ADGRL2: variants seen among roughly 807,000 people sequenced by gnomAD.
The protein encoded by ADGRL2 is adhesion G protein-coupled receptor L2, also known as calcium-independent alpha-latrotoxin receptor 2.
In ADGRL2, 44 loss-of-function variants were observed where a neutral mutation model predicts 157.4. The ratio of observed to expected loss-of-function variants is 0.28; its 90% CI spans 0.22 to 0.36. The LOEUF is 0.36. Among genes scored for constraint, ADGRL2 ranks in the 10% least tolerant of loss-of-function variants. The pLI is 1.00. For missense variants in ADGRL2, 1,510 were observed against 1,768.9 expected (o/e 0.85, Z 2.63); for synonymous variants, 585 against 624.7 (o/e 0.94, Z 0.95).
At chr1:81,697,223 G>GC (rs778796666), upstream of ADGRL2, among the ~76,000 whole-genome samples, 35 of 151,948 alleles carry the variant, frequency 2.3e-4, no homozygotes, top group Non-Finnish European at 3.8e-4. Context: ...TTTGAAAGTT[G>GC]CATAAGCTTC....
chr1:81,361,958 C>T (rs992159109), intron 1 of ADGRL2, among the ~76,000 whole-genome samples: 3 of 151,694 alleles, frequency 2.0e-5, no homozygotes, highest in Non-Finnish European at 2.9e-5. Context: ...GAAACAAATT[C>T]CTGGTTAGTC....
intron 19 of ADGRL2, chr1:81,984,309 T>A (rs1662511421): frequency 4.4e-6 from 1 of 229,100 alleles, no homozygotes; most frequent in Admixed American, 5.6e-5. Context: ...ATTTAATAAC[T>A]AACATTTATA....
chr1:81,762,433 A>C (rs995100646), intron 2 of ADGRL2, among the ~76,000 whole-genome samples: 1 of 152,182 alleles, frequency 6.6e-6, no homozygotes, highest in Non-Finnish European at 1.5e-5. Flanking sequence ...TAAACAGGAA[A>C]TATTTAGTTT....
rs1646308106 is a variant in ADGRL2, at chr1:81,952,969, T to C, written c.1795-18T>C. 6.2e-7 allele frequency: 1 copy of C among 1,606,274 alleles called. No homozygotes were observed. Among genetic ancestry groups the C allele is most frequent in the Non-Finnish European group, 8.5e-7 (1 of 1,174,330 alleles). ...ATAAAAATCTAACCTCTGATTTTTC[T>C]TTTCTTTTACTTAAAAGCTCCAAAA... On this transcript the variant is annotated intron_variant, in intron 9 of 23. Transcript: ENST00000686636.
chr1:81,505,536 G>A (rs1001380745), intron 2 of ADGRL2, among the ~76,000 whole-genome samples: 4 of 150,564 alleles, frequency 2.7e-5, no homozygotes, highest in African/African-American at 9.9e-5. Flanking sequence ...CAACAGCAGG[G>A]TGTCACCCAG....
In ADGRL2 at chr1:81,970,387, G is replaced by T. The variant is rs1658370416; in HGVS notation, c.2807G>T (p.Gly936Val). Residue 936 changes from glycine to valine, a missense_variant, in exon 16 of 24, where the codon GGT becomes GTT. By Grantham distance (109) the Gly-to-Val change is moderately radical (BLOSUM62 -3). This residue lies in a region of ADGRL2 where 497 missense variants were observed against 627.2 expected (regional missense o/e 0.79). Coordinates refer to ENST00000686636, the MANE Select transcript of ADGRL2 (RefSeq NM_001366006.2). The part of the protein sequence containing the change: ...LAAFAWMCLE[G>V]VQLYLMLVEV... ...GCTTTTGCTTGGATGTGCCTAGAAG[G>T]TGTGCAGCTCTACCTAATGTTAGTT... 1 of 1,590,512 alleles carries T rather than the reference G, an allele frequency of 6.3e-7. No individual in the cohort carries two copies. The highest frequency in any genetic ancestry group is 8.5e-7 in the Non-Finnish European group (1 of 1,172,760).
upstream of ADGRL2, among the ~76,000 whole-genome samples, chr1:81,698,045 T>C (rs756478927): frequency 6.6e-6 from 1 of 152,216 alleles, no homozygotes; most frequent in East Asian, 1.9e-4. Context: ...TATCATGTTA[T>C]AATGATTAAA....
At chr1:81,946,439 C>T (rs1418769041) in intron 6 of ADGRL2, among the ~76,000 whole-genome samples, 2 of 151,166 alleles carry the variant, frequency 1.3e-5, no homozygotes, top group Non-Finnish European at 2.9e-5. Flanking sequence ...CCTGTTTCAC[C>T]TTCTCCCTCT....
At chr1:81,496,653 A>C (rs2078736925) in intron 2 of ADGRL2, among the ~76,000 whole-genome samples, 1 of 145,620 alleles carries the variant, frequency 6.9e-6, no homozygotes, top group Non-Finnish European at 1.5e-5. Context: ...AGAATACAGG[A>C]ATTCAAGCTG....
intron 1 of ADGRL2, among the ~76,000 whole-genome samples, chr1:81,752,996 C>G (rs1271779538): frequency 6.6e-6 from 1 of 152,050 alleles, no homozygotes; most frequent in Non-Finnish European, 1.5e-5. Context: ...ACATTGTTTC[C>G]TAGTTGTGTA....
chr1:81,982,659 T>C (rs995714258), intron 19 of ADGRL2, among the ~76,000 whole-genome samples: 2 of 151,958 alleles, frequency 1.3e-5, no homozygotes, highest in African/African-American at 4.8e-5. Context: ...AGTTGGTCAC[T>C]AAATTGAACA....
At chr1:81,541,788 A>C (rs1434320461) in intron 2 of ADGRL2, among the ~76,000 whole-genome samples, 1 of 21,394 alleles carries the variant, frequency 4.7e-5, no homozygotes, top group African/African-American at 2.9e-4. Context: ...CGTCTCTACT[A>C]AAAAAAAAAA....
chr1:81,975,477 G>A (rs1659948822), intron 17 of ADGRL2, among the ~76,000 whole-genome samples: 1 of 152,130 alleles, frequency 6.6e-6, no homozygotes, highest in Non-Finnish European at 1.5e-5. Context: ...TTGGATGGTA[G>A]AGACATTGTT....
At chr1:81,480,833 C>G (rs2147877508) in intron 2 of ADGRL2, among the ~76,000 whole-genome samples, 1 of 152,230 alleles carries the variant, frequency 6.6e-6, no homozygotes, top group South Asian at 2.1e-4. Flanking sequence ...ACTCAGCACC[C>G]ACATTCAACC....
chr1:81,460,374 CATTTT>C (rs906617997), intron 2 of ADGRL2, among the ~76,000 whole-genome samples: 1 of 151,696 alleles, frequency 6.6e-6, no homozygotes, highest in African/African-American at 2.4e-5. Flanking sequence ...ATATTTGTTT[CATTTT>C]ATTTTTAAAA....
intron 2 of ADGRL2, among the ~76,000 whole-genome samples, chr1:81,495,248 T>TG (rs1348031983): frequency 3.3e-5 from 5 of 152,162 alleles, no homozygotes; most frequent in Non-Finnish European, 7.4e-5. Flanking sequence ...AATGACTACT[T>TG]GCAGATCAAT....
chr1:81,400,725 C>G (rs1236334451), intron 1 of ADGRL2, among the ~76,000 whole-genome samples: 1 of 152,088 alleles, frequency 6.6e-6, no homozygotes, highest in Non-Finnish European at 1.5e-5. Context: ...ACACAGCTGT[C>G]TTTTGGGCCC....
At chr1:81,383,898 G>A (rs1468469847) in intron 1 of ADGRL2, among the ~76,000 whole-genome samples, 2 of 140,702 alleles carry the variant, frequency 1.4e-5, no homozygotes, top group Non-Finnish European at 3.1e-5. Flanking sequence ...AGGTTGCAGT[G>A]AGCCGAGATC....
intron 2 of ADGRL2, among the ~76,000 whole-genome samples, chr1:81,880,697 C>T (rs1024379864): frequency 2.6e-5 from 4 of 151,470 alleles, no homozygotes; most frequent in Non-Finnish European, 4.4e-5. Flanking sequence ...CCAGTGCACA[C>T]GCGGGCCCTT....
Sources: allele counts gnomAD v4.1 joint callset (sites outside exome capture counted in the v4.1 genomes callset), GRCh38; gene constraint gnomAD v4.1.1; regional missense constraint gnomAD v4.1.1; transcripts MANE v1.5; gene names NCBI Gene and HGNC (gene_info 2026-07-23, HGNC 2026-07-21).